Variants in CLEC6A observed in about 807,000 individuals in gnomAD.
CLEC6A encodes C-type lectin domain family 6 member A.
Under a neutral mutation model 25.7 loss-of-function variants are expected in CLEC6A, and 22 were observed. That is an observed-to-expected ratio of 0.85 (90% CI 0.61 to 1.22). The LOEUF is 1.22. Among genes scored for constraint, CLEC6A ranks in the 50% most tolerant of loss-of-function variants. The probability of loss-of-function intolerance (pLI) is 0.00; values close to 1 mark genes in which losing one functional copy is unlikely to be tolerated. For synonymous variants in CLEC6A, 92 were observed against 76.7 expected, an observed-to-expected ratio of 1.20 and a Z score of -1.04; for missense variants, 240 against 236.8, an observed-to-expected ratio of 1.01 and a Z score of -0.09.
intron 4 of CLEC6A, among the ~76,000 whole-genome samples, chr12:8,471,557 T>A (rs962651537): frequency 4.6e-5 from 7 of 152,092 alleles, no homozygotes; most frequent in Non-Finnish European, 1.0e-4. Flanking sequence ...GTTACCTAAT[T>A]TATTGGCATA....
chr12:8,465,967 G>A (rs7134303), intron 4 of CLEC6A, among the ~76,000 whole-genome samples: 117,659 of 152,142 alleles, frequency 0.77, 45,949 homozygotes, highest in East Asian at 0.99. Context: ...CACAAGATTC[G>A]TCCATGTTCT....
In CLEC6A at chr12:8,477,541, C is replaced by A; in HGVS notation, c.*77C>A. On this transcript the variant is annotated 3_prime_UTR_variant, in exon 6 of 6. Coordinates refer to ENST00000382073, the MANE Select transcript of CLEC6A (RefSeq NM_001007033.2). ...TGACGTCTTTAAAATTGAACCCTATCATGAAATGATAATTTCTTCCTGAAT... is the reference window on the plus strand; with the variant it reads ...TGACGTCTTTAAAATTGAACCCTATAATGAAATGATAATTTCTTCCTGAAT... 8.9e-7 allele frequency: 1 copy of A among 1,119,222 alleles called. No homozygotes were observed. Among genetic ancestry groups the A allele is most frequent in the South Asian group, 1.6e-5 (1 of 61,976 alleles). 69.3% of individuals were successfully genotyped at this position (1,119,222 alleles called of 1,614,324 possible).
chr12:8,475,338 ATATG>A (rs1169262597), intron 4 of CLEC6A, among the ~76,000 whole-genome samples: 2 of 57,996 alleles, frequency 3.4e-5, no homozygotes, highest in Admixed American at 2.7e-4. Flanking sequence ...ATATATATAT[ATATG>A]TATGTGTGTG....
intron 3 of CLEC6A, among the ~76,000 whole-genome samples, chr12:8,463,936 A>T (rs1468904877): frequency 6.6e-6 from 1 of 152,202 alleles, no homozygotes; most frequent in Non-Finnish European, 1.5e-5. Context: ...CACATGTTCA[A>T]CTTACAAAAA....
chr12:8,466,611 T>A (rs1260746670), intron 4 of CLEC6A, among the ~76,000 whole-genome samples: 2 of 152,104 alleles, frequency 1.3e-5, no homozygotes, highest in East Asian at 3.8e-4. Flanking sequence ...CTCATTGTGA[T>A]TTTGATTTGT....
At chr12:8,469,233 T>G (rs946300415) in intron 4 of CLEC6A, among the ~76,000 whole-genome samples, 4 of 151,774 alleles carry the variant, frequency 2.6e-5, no homozygotes, top group African/African-American at 9.7e-5. Context: ...ACCAAGGAGG[T>G]GAAAGACCTC....
chr12:8,465,997 T>G (rs1939824372), intron 4 of CLEC6A, among the ~76,000 whole-genome samples: 2 of 152,246 alleles, frequency 1.3e-5, no homozygotes, highest in Admixed American at 1.3e-4. Context: ...CAGGACTTTC[T>G]TTCACTTTAG....
chr12:8,458,281 A>G (rs1036732009), intron 2 of CLEC6A, among the ~76,000 whole-genome samples: 5 of 152,206 alleles, frequency 3.3e-5, no homozygotes, highest in African/African-American at 1.2e-4. Context: ...GACTGGATTC[A>G]CTAGTAATTG....
At chr12:8,467,721 A>G (rs926181015) in intron 4 of CLEC6A, among the ~76,000 whole-genome samples, 4 of 152,206 alleles carry the variant, frequency 2.6e-5, no homozygotes, top group Non-Finnish European at 5.9e-5. Flanking sequence ...TTCTGCAAAA[A>G]ATAACATTGG....
At chr12:8,470,125 A>G (rs1263675128) in intron 4 of CLEC6A, among the ~76,000 whole-genome samples, 1 of 152,188 alleles carries the variant, frequency 6.6e-6, no homozygotes. Flanking sequence ...TGGGCTAAGG[A>G]CATGAATAGA....
At chr12:8,463,023 A>G (rs1473122700) in intron 3 of CLEC6A, among the ~76,000 whole-genome samples, 2 of 152,228 alleles carry the variant, frequency 1.3e-5, no homozygotes, top group Non-Finnish European at 2.9e-5. Context: ...ACTTGGGTGT[A>G]AATACTATTA....
intron 3 of CLEC6A, among the ~76,000 whole-genome samples, chr12:8,463,079 A>G (rs1046408653): frequency 1.3e-5 from 2 of 151,974 alleles, no homozygotes; most frequent in Non-Finnish European, 2.9e-5. Context: ...AGAAACATGT[A>G]TTGTTTAACA....
intron 4 of CLEC6A, among the ~76,000 whole-genome samples, chr12:8,472,121 T>G (rs979535790): frequency 2.0e-5 from 3 of 152,204 alleles, no homozygotes; most frequent in African/African-American, 7.2e-5. Flanking sequence ...CATACAGACC[T>G]TCACCAATCA....
intron 4 of CLEC6A, among the ~76,000 whole-genome samples, chr12:8,466,673 T>TC (rs397725319): frequency 2.0e-5 from 3 of 151,756 alleles, no homozygotes; most frequent in African/African-American, 7.3e-5. Flanking sequence ...TTTTTTTTTT[T>TC]GAGACAGAGT....
At chr12:8,463,337 G>T (rs1319974791) in intron 3 of CLEC6A, among the ~76,000 whole-genome samples, 2 of 151,892 alleles carry the variant, frequency 1.3e-5, no homozygotes, top group Non-Finnish European at 2.9e-5. Flanking sequence ...AAACTTGGAA[G>T]TCTAAATCTT....
At chr12:8,458,652 G>A (rs1164158811) in intron 2 of CLEC6A, among the ~76,000 whole-genome samples, 1 of 152,112 alleles carries the variant, frequency 6.6e-6, no homozygotes, top group Non-Finnish European at 1.5e-5. Context: ...TTCCCTCAGA[G>A]ATTTAAATAA....
intron 4 of CLEC6A, among the ~76,000 whole-genome samples, chr12:8,469,357 G>A (rs553322024): frequency 6.0e-4 from 91 of 151,852 alleles, no homozygotes; most frequent in Middle Eastern, 3.4e-3. Flanking sequence ...TGACCATATT[G>A]CCAAAAGCAG....
rs1156977342 is a variant in CLEC6A at position 8,459,585 on chromosome 12, C to T, written c.122-12C>T. 1 of 1,529,312 alleles carries T rather than the reference C, an allele frequency of 6.5e-7. No individual in the cohort carries two copies. The highest frequency in any genetic ancestry group is 9.1e-7 in the Non-Finnish European group (1 of 1,102,740). The allele number at this position is 1,529,312 out of a possible 1,614,324, so 94.7% of individuals were successfully genotyped here. ...TAATAGATGGACACTAATCCTTCTT[C>T]TTCCTTTACAGTAACTTACCATTTT... On this transcript the variant is annotated splice_polypyrimidine_tract_variant and intron_variant, in intron 2 of 5. Coordinates refer to ENST00000382073, the MANE Select transcript of CLEC6A (RefSeq NM_001007033.2).
intron 4 of CLEC6A, among the ~76,000 whole-genome samples, chr12:8,475,394 G>A (rs1939960980): frequency 6.6e-6 from 1 of 151,582 alleles, no homozygotes; most frequent in Non-Finnish European, 1.5e-5. Context: ...ATGTATATAT[G>A]AAAAGATTTA....
Sources: allele counts gnomAD v4.1 joint callset (sites outside exome capture counted in the v4.1 genomes callset), GRCh38; gene constraint gnomAD v4.1.1; transcripts MANE v1.5; gene names NCBI Gene and HGNC (gene_info 2026-07-23, HGNC 2026-07-21).